The following NLRP13 variants were observed in gnomAD, a reference collection of about 807,000 sequenced individuals.
NLRP13 encodes NACHT, LRR and PYD domains-containing protein 13.
Under a neutral mutation model 94.4 loss-of-function variants are expected in NLRP13, and 82 were observed. That is an observed-to-expected ratio of 0.87 (90% CI 0.73 to 1.04). The LOEUF is 1.04. Among genes scored for constraint, NLRP13 ranks in the 50% least tolerant of loss-of-function variants. The pLI is 0.00. For synonymous variants in NLRP13, 553 were observed against 464.7 expected (o/e 1.19, Z -2.45); for missense variants, 1,426 against 1,230.8 (o/e 1.16, Z -2.37).
chr19:55,913,548 C>CAA (rs10530056), intron 4 of NLRP13, among the ~76,000 whole-genome samples: 2,707 of 51,626 alleles, frequency 0.052, 394 homozygotes, highest in East Asian at 0.34. Context: ...GACTCCGTCT[C>CAA]AAAAAAAAAA....
chr19:55,910,632 A>G lies in NLRP13; in HGVS notation c.2213T>C (p.Leu738Pro). 1.9e-6 allele frequency: 3 copies of G among 1,613,820 alleles called. No individual in the cohort carries two copies. The highest frequency in any genetic ancestry group is 2.5e-6 in the Non-Finnish European group (3 of 1,179,756). The change falls in exon 6 of 11, where the codon CTT becomes CCT. Residue 738 changes from leucine (L) to proline (P), a missense_variant. Leu to Pro is a moderately conservative substitution (Grantham distance 98, BLOSUM62 -3). Transcript: ENST00000342929. Reference sequence around the variant, plus strand: ...GAGACCCTTCACAGAGGAAGCATGAAGTTTGCTGTTACTCAGGTCTAGCTC... The same window carrying G: ...GAGACCCTTCACAGAGGAAGCATGAGGTTTGCTGTTACTCAGGTCTAGCTC... ...LHELDLSNSK[L>P]HASSVKGLCL...
At chr19:55,911,605 A>T in intron 5 of NLRP13, 101 bp downstream of exon 5, 1 of 1,138,090 alleles carries the variant, frequency 8.8e-7, no homozygotes, top group Non-Finnish European at 1.3e-6. Context: ...AATAAGCACG[A>T]ATACATAACG....
At chr19:55,931,194 C>T (rs529392582) in intron 1 of NLRP13, among the ~76,000 whole-genome samples, 12 of 151,866 alleles carry the variant, frequency 7.9e-5, no homozygotes, top group African/African-American at 1.5e-4. Context: ...ACTGAGGAAG[C>T]GGGTAGATGT....
rs1222599914 is a variant in NLRP13 at position 55,905,078 on chromosome 19, G to T, written c.2482C>A (p.Gln828Lys). Residue 828 changes from glutamine to lysine, a missense_variant, in exon 8 of 11, where the codon CAG becomes AAG. By Grantham distance (53) the Gln-to-Lys change is moderately conservative. Coordinates refer to ENST00000342929, the MANE Select transcript of NLRP13 (RefSeq NM_176810.2). ...EKCNLSAASC[Q>K]DLALFLTSIQ... ...CTGGTGAGAAACAAGGCTAGGTCCT[G>T]ACAGCTGGCTGCCGACAAGTTGCAT... 2 of 1,613,866 alleles carry T rather than the reference G, an allele frequency of 1.2e-6. No individual in the cohort carries two copies. Among genetic ancestry groups the T allele is most frequent in the Non-Finnish European group, 1.7e-6 (2 of 1,179,946 alleles).
At chr19:55,904,677 G>A (rs1357766367) in intron 8 of NLRP13, among the ~76,000 whole-genome samples, 2 of 152,122 alleles carry the variant, frequency 1.3e-5, no homozygotes, top group African/African-American at 2.4e-5. Flanking sequence ...ATCTCTGCTA[G>A]AAGCTCACAT....
intron 1 of NLRP13, among the ~76,000 whole-genome samples, chr19:55,931,368 A>C (rs1423171715): frequency 4.6e-5 from 7 of 152,016 alleles, no homozygotes; most frequent in African/African-American, 1.7e-4. Context: ...TGCTGCACTC[A>C]AATTGTTCCC....
chr19:55,907,794 C>A lies in NLRP13; in HGVS notation c.2445G>T (p.Leu815=), dbSNP rs769717387. 6.2e-7 allele frequency: 1 copy of A among 1,613,822 alleles called. No individual in the cohort carries two copies. Among genetic ancestry groups the A allele is most frequent in the South Asian group, 1.1e-5 (1 of 91,012 alleles). ...GATCTAGGGAGCCAAAGACTTACCACAGATACTTGAGGTTGCAAGCTGAGT... is the reference window on the plus strand; with the variant it reads ...GATCTAGGGAGCCAAAGACTTACCAAAGATACTTGAGGTTGCAAGCTGAGT... The part of the protein sequence containing the change: ...LRHSACNLKY[L]CLEKCNLSAA... Residue 815 remains leucine (L), a splice_region_variant and synonymous_variant, in exon 7 of 11, where the codon CTG becomes CTT. Coordinates refer to ENST00000342929, the MANE Select transcript of NLRP13 (RefSeq NM_176810.2).
rs1568449401 is a variant in NLRP13, at chr19:55,931,721, A to AGACAG, written c.319+271_319+272insCTGTC. On this transcript the variant is annotated intron_variant, in intron 1 of 10. Transcript: ENST00000342929. ...GGAGACTCAGGCTCAAAAAAAAAAAAAAAAGAAAGAAAGAAAGAAAGAAAA... is the reference window on the plus strand; with the variant it reads ...GGAGACTCAGGCTCAAAAAAAAAAAAGACAGAAAAGAAAGAAAGAAAGAAAGAAAA... Among the ~76,000 whole-genome samples the AGACAG allele has an allele frequency of 1.4e-3, 121 of 85,750 alleles. 2 individuals carry two copies. The highest frequency in any genetic ancestry group is 5.2e-3 in the African/African-American group (115 of 22,242). The allele number at this position is 85,750 out of a possible 152,430, so 56.3% of individuals were successfully genotyped here.
chr19:55,920,202 G>T (rs912325945), intron 4 of NLRP13, among the ~76,000 whole-genome samples: 2 of 152,150 alleles, frequency 1.3e-5, no homozygotes, highest in Non-Finnish European at 2.9e-5. Context: ...AGATTTAAAT[G>T]TAAGACCTGA....
chr19:55,892,105 G>T, downstream of NLRP13: 1 of 1,231,902 alleles, frequency 8.1e-7, no homozygotes, highest in Non-Finnish European at 1.0e-6. Flanking sequence ...ACTACATTGT[G>T]CAGGTCTTTT....
rs1414959758 is a variant in NLRP13, at chr19:55,907,840, A to G, written c.2399T>C (p.Leu800Pro). 2 of 1,613,996 alleles carry G rather than the reference A, an allele frequency of 1.2e-6. No homozygotes were observed. Among genetic ancestry groups the G allele is most frequent in the Admixed American group, 1.7e-5 (1 of 59,994 alleles). ...SSNKLGMTVPLILKALRHSAC... is the reference protein window; with the variant it reads ...SSNKLGMTVPPILKALRHSAC... ...TGAGTGTCTCAAAGCTTTAAGAATC[A>G]GGGGGACAGTCATTCCCAGCTTGTT... The change falls in exon 7 of 11, where the codon CTG becomes CCG. Residue 800 changes from leucine to proline, a missense_variant. Leu to Pro is a moderately conservative substitution (Grantham distance 98). Coordinates refer to ENST00000342929, the MANE Select transcript of NLRP13 (RefSeq NM_176810.2).
In NLRP13 at chr19:55,912,436, A is replaced by AG. The variant is rs1382918587; in HGVS notation, c.1380dup (p.Ser461LeufsTer14). On this transcript the variant is annotated frameshift_variant, in exon 5 of 11. Transcript: ENST00000342929. LOFTEE classifies it high-confidence loss of function. The stretch of plus-strand genomic sequence containing the variant: ...ACCTCTGCTGTGGAGAACAAGTTGG[A>AG]GAAAAAATAGGCATACAGACTGGTG... 6.2e-7 allele frequency: 1 copy of AG among 1,614,064 alleles called. No homozygotes were observed. Among genetic ancestry groups the AG allele is most frequent in the Non-Finnish European group, 8.5e-7 (1 of 1,180,040 alleles).
chr19:55,892,198 G>T, downstream of NLRP13: 1 of 1,092,702 alleles, frequency 9.2e-7, no homozygotes, highest in South Asian at 4.7e-5. Context: ...AGGTTCAGGG[G>T]AACACGTACA....
chr19:55,904,378 T>G (rs943311284), intron 8 of NLRP13, among the ~76,000 whole-genome samples: 1 of 152,018 alleles, frequency 6.6e-6, no homozygotes, highest in Non-Finnish European at 1.5e-5. Flanking sequence ...GTGAGCCACC[T>G]TGCCCAGCCC....
rs1190761836 is a variant in NLRP13 at position 55,904,938 on chromosome 19, T to C, written c.2618+4A>G. On this transcript the variant is annotated splice_donor_region_variant and intron_variant, in intron 8 of 10. Coordinates refer to ENST00000342929, the MANE Select transcript of NLRP13 (RefSeq NM_176810.2). ...ATCTAGAAATGGAAGTAGGGAAAACTTACTCCAGTCTCTCTAAGGCACACT... is the reference window on the plus strand; with the variant it reads ...ATCTAGAAATGGAAGTAGGGAAAACCTACTCCAGTCTCTCTAAGGCACACT... 4.3e-6 allele frequency: 7 copies of C among 1,609,872 alleles called. 1 individual carries two copies. Among genetic ancestry groups the C allele is most frequent in the Middle Eastern group, 1.7e-4 (1 of 6,026 alleles).
chr19:55,928,770 A>G (rs1987031503), intron 1 of NLRP13, among the ~76,000 whole-genome samples: 1 of 152,192 alleles, frequency 6.6e-6, no homozygotes. Flanking sequence ...ATGGCAACAA[A>G]AGCCAAAATT....
chr19:55,897,411 T>C (rs1986045468), intron 10 of NLRP13, among the ~76,000 whole-genome samples: 1 of 152,012 alleles, frequency 6.6e-6, no homozygotes, highest in Non-Finnish European at 1.5e-5. Flanking sequence ...TCCCAGCTAC[T>C]CAGGAGGCTG....
At position 55,907,794 on chromosome 19, in the gene NLRP13, C is replaced by T; in HGVS notation, c.2445G>A (p.Leu815=). 2.5e-6 allele frequency: 4 copies of T among 1,613,822 alleles called. No individual in the cohort carries two copies. Among genetic ancestry groups the T allele is most frequent in the Non-Finnish European group, 3.4e-6 (4 of 1,179,880 alleles). The change falls in exon 7 of 11, where the codon CTG becomes CTA. Residue 815 remains leucine (L), a splice_region_variant and synonymous_variant. Coordinates refer to ENST00000342929, the MANE Select transcript of NLRP13 (RefSeq NM_176810.2). The part of the protein sequence containing the change: ...LRHSACNLKY[L]CLEKCNLSAA... ...GATCTAGGGAGCCAAAGACTTACCA[C>T]AGATACTTGAGGTTGCAAGCTGAGT...
intron 10 of NLRP13, 66 bp downstream of exon 10, chr19:55,898,704 G>A (rs755513438): frequency 2.2e-5 from 33 of 1,469,480 alleles, no homozygotes; most frequent in Admixed American, 1.9e-4. Context: ...GATGGGATCC[G>A]ATCATATCTC....
Sources: gnomAD v4.1 joint callset for allele counts (sites outside exome capture counted in the v4.1 genomes callset) on GRCh38, gnomAD v4.1.1 for gene constraint, MANE v1.5 for transcripts, NCBI Gene and HGNC (gene_info 2026-07-23, HGNC 2026-07-21) for gene names.